Variants in MIS18A observed in about 807,000 individuals in gnomAD.
MIS18A encodes protein Mis18-alpha.
MIS18A carries 14 observed loss-of-function variants against 25.0 expected under a neutral mutation model. That is an observed-to-expected ratio of 0.56 (90% CI 0.37 to 0.88). The LOEUF (loss-of-function observed/expected upper bound fraction) is 0.88, where lower values mean the gene tolerates loss of function less well. MIS18A is among the 40% of genes least tolerant of loss of function. The pLI is 0.00. For synonymous variants in MIS18A, 134 were observed against 118.6 expected (o/e 1.13, Z -0.84); for missense variants, 292 against 290.8 (o/e 1.00, Z -0.03).
the MIS18A span, among the ~76,000 whole-genome samples, chr21:32,174,364 A>T: frequency 6.6e-6 from 1 of 152,202 alleles, no homozygotes; most frequent in South Asian, 2.1e-4. Flanking sequence ...TGAAAAATAT[A>T]TACTATGCAA....
the MIS18A span, among the ~76,000 whole-genome samples, chr21:32,187,899 G>T: frequency 1.3e-5 from 2 of 152,158 alleles, no homozygotes; most frequent in South Asian, 4.2e-4. Context: ...TTTTGGATGT[G>T]GGGCCTTTGG....
chr21:32,214,376 T>C, the MIS18A span, among the ~76,000 whole-genome samples: 1 of 152,150 alleles, frequency 6.6e-6, no homozygotes, highest in Non-Finnish European at 1.5e-5. Flanking sequence ...GGCAAGAACC[T>C]TGGAGAGGCG....
the MIS18A span, among the ~76,000 whole-genome samples, chr21:32,252,945 T>C: frequency 5.3e-5 from 8 of 152,182 alleles, no homozygotes; most frequent in Non-Finnish European, 1.2e-4. Flanking sequence ...ATTTGGTGAG[T>C]GCACAGTGAG....
At chr21:32,254,546 T>C in the MIS18A span, among the ~76,000 whole-genome samples, 1 of 151,662 alleles carries the variant, frequency 6.6e-6, no homozygotes, top group Admixed American at 6.6e-5. Context: ...AAAAAAAAAG[T>C]AAACTGCTTT....
the MIS18A span, among the ~76,000 whole-genome samples, chr21:32,177,151 A>C: frequency 6.6e-6 from 1 of 152,176 alleles, no homozygotes; most frequent in Non-Finnish European, 1.5e-5. Context: ...GCCTGTTTAA[A>C]AATTAAAACT....
At chr21:32,221,181 A>G in the MIS18A span, among the ~76,000 whole-genome samples, 1 of 152,170 alleles carries the variant, frequency 6.6e-6, no homozygotes, top group Non-Finnish European at 1.5e-5. Flanking sequence ...CATAATCAAC[A>G]GATTCACCAA....
chr21:32,164,001 G>A, the MIS18A span, among the ~76,000 whole-genome samples: 1 of 152,044 alleles, frequency 6.6e-6, no homozygotes, highest in Admixed American at 6.6e-5. Flanking sequence ...AGAGGCGAGA[G>A]AGAGGAGGTG....
the MIS18A span, among the ~76,000 whole-genome samples, chr21:32,239,438 A>C: frequency 1.3e-5 from 2 of 152,218 alleles, no homozygotes; most frequent in Non-Finnish European, 2.9e-5. Flanking sequence ...TGATACTGAT[A>C]AGGTTTGACA....
At chr21:32,273,047 C>A (rs1282814537) in intron 2 of MIS18A, among the ~76,000 whole-genome samples, 3 of 151,906 alleles carry the variant, frequency 2.0e-5, no homozygotes, top group Admixed American at 6.6e-5. Context: ...GCCGGCACCA[C>A]AATTTCTGTC....
the MIS18A span, among the ~76,000 whole-genome samples, chr21:32,258,857 T>C: frequency 8.2e-6 from 1 of 121,836 alleles, no homozygotes; most frequent in Non-Finnish European, 1.6e-5. Flanking sequence ...TTTATTTATT[T>C]ATTTATTTAT....
the MIS18A span, among the ~76,000 whole-genome samples, chr21:32,205,295 G>T: frequency 3.5e-4 from 53 of 151,658 alleles, 1 homozygote; most frequent in East Asian, 0.01. Context: ...TAGTAGAGAC[G>T]GGGTTTCACC....
At chr21:32,160,577 C>T in the MIS18A span, among the ~76,000 whole-genome samples, 64 of 151,478 alleles carry the variant, frequency 4.2e-4, no homozygotes, top group Non-Finnish European at 8.2e-4. Context: ...TGGTTTGGTC[C>T]GGAAAGGTGG....
At chr21:32,264,019 T>C (rs1419763203), downstream of MIS18A, among the ~76,000 whole-genome samples, 1 of 152,172 alleles carries the variant, frequency 6.6e-6, no homozygotes, top group Non-Finnish European at 1.5e-5. Flanking sequence ...GTTAGTAAAC[T>C]CAGTTGTTAA....
At chr21:32,197,035 TA>T in the MIS18A span, among the ~76,000 whole-genome samples, 10,689 of 151,480 alleles carry the variant, frequency 0.071, 536 homozygotes, top group South Asian at 0.16. Flanking sequence ...ACAGCAGGAT[TA>T]AAAAAAAATA....
At chr21:32,195,889 A>T in the MIS18A span, among the ~76,000 whole-genome samples, 4 of 152,160 alleles carry the variant, frequency 2.6e-5, no homozygotes, top group African/African-American at 9.6e-5. Context: ...GCATGGTGAC[A>T]CATGCATGTA....
the MIS18A span, among the ~76,000 whole-genome samples, chr21:32,172,619 A>T: frequency 6.6e-6 from 1 of 151,666 alleles, no homozygotes; most frequent in Non-Finnish European, 1.5e-5. Context: ...AGAGACTAAC[A>T]AGATGATCCT....
At chr21:32,251,081 G>T in the MIS18A span, among the ~76,000 whole-genome samples, 1 of 152,116 alleles carries the variant, frequency 6.6e-6, no homozygotes, top group African/African-American at 2.4e-5. Context: ...GGACCTGTTT[G>T]CTTCCCCTTC....
intron 1 of MIS18A, among the ~76,000 whole-genome samples, chr21:32,276,044 C>A (rs2031802474): frequency 6.6e-6 from 1 of 152,160 alleles, no homozygotes. Context: ...CAACGCCTTG[C>A]AGTTTCTGAT....
chr21:32,246,852 G>A, the MIS18A span, among the ~76,000 whole-genome samples: 3 of 152,114 alleles, frequency 2.0e-5, no homozygotes, highest in East Asian at 1.9e-4. Flanking sequence ...GAACAGAAAC[G>A]GCTTTTCTCT....
Sources: allele counts gnomAD v4.1 joint callset (sites outside exome capture counted in the v4.1 genomes callset), GRCh38; gene constraint gnomAD v4.1.1; transcripts MANE v1.5; gene names NCBI Gene and HGNC (gene_info 2026-07-23, HGNC 2026-07-21).